The following SNAP23 variants were observed in gnomAD, a reference collection of about 807,000 sequenced individuals.
SNAP23 encodes synaptosomal-associated protein 23.
Under a neutral mutation model 29.0 loss-of-function variants are expected in SNAP23, and 11 were observed. That is an observed-to-expected ratio of 0.38 (90% CI 0.24 to 0.63). The LOEUF (loss-of-function observed/expected upper bound fraction) is 0.63, where lower values mean the gene tolerates loss of function less well. Ranked by LOEUF, SNAP23 falls within the 20% of genes least tolerant of loss-of-function variation. The pLI is 0.58. For synonymous variants in SNAP23, 60 were observed against 82.9 expected, an observed-to-expected ratio of 0.72 and a Z score of 1.50; for missense variants, 220 against 253.9, an observed-to-expected ratio of 0.87 and a Z score of 0.91.
intron 1 of SNAP23, among the ~76,000 whole-genome samples, chr15:42,497,288 G>C (rs566317541): frequency 6.7e-6 from 1 of 148,434 alleles, no homozygotes; most frequent in Non-Finnish European, 1.5e-5. Flanking sequence ...GGCTCACTGC[G>C]ACCTCCGCCT....
At chr15:42,493,834 A>G (rs1446792124), upstream of SNAP23, among the ~76,000 whole-genome samples, 1 of 152,146 alleles carries the variant, frequency 6.6e-6, no homozygotes, top group Non-Finnish European at 1.5e-5. Context: ...CAGAGAAAAC[A>G]AGTCAGCAAA....
intron 1 of SNAP23, among the ~76,000 whole-genome samples, chr15:42,510,244 G>A (rs1156632240): frequency 6.6e-6 from 1 of 151,846 alleles, no homozygotes; most frequent in African/African-American, 2.4e-5. Context: ...CAAGCAATCC[G>A]CCCACCCCAA....
chr15:42,498,892 T>C (rs915553650), intron 1 of SNAP23, among the ~76,000 whole-genome samples: 1 of 152,200 alleles, frequency 6.6e-6, no homozygotes, highest in Non-Finnish European at 1.5e-5. Context: ...GGTTTTACTT[T>C]AGGTGCTTGT....
chr15:42,498,415 G>A (rs2057241539), intron 1 of SNAP23, among the ~76,000 whole-genome samples: 1 of 152,170 alleles, frequency 6.6e-6, no homozygotes, highest in South Asian at 2.1e-4. Context: ...CCACGTGGAA[G>A]CTACCAAGGT....
intron 7 of SNAP23, among the ~76,000 whole-genome samples, chr15:42,530,285 T>A (rs184475870): frequency 4.7e-4 from 71 of 152,278 alleles, no homozygotes; most frequent in Non-Finnish European, 2.2e-4. Context: ...TGAATCCTCA[T>A]CTCATGAAAG....
Position 42,529,826 on chromosome 15 carries a change from G to T in SNAP23, c.570+7G>T. 6.2e-7 allele frequency: 1 copy of T among 1,609,374 alleles called. No homozygotes were observed. Among genetic ancestry groups the T allele is most frequent in the Non-Finnish European group, 8.5e-7 (1 of 1,178,796 alleles). ...AAAACGAATCACAGACAAGGTAAAAGCTTTTTATTGCCACAAGAAAATGAG... is the reference window on the plus strand; with the variant it reads ...AAAACGAATCACAGACAAGGTAAAATCTTTTTATTGCCACAAGAAAATGAG... On this transcript the variant is annotated splice_region_variant and intron_variant, in intron 7 of 7. Transcript: ENST00000249647.
At chr15:42,494,364 C>G (rs547624376), upstream of SNAP23, among the ~76,000 whole-genome samples, 1 of 150,302 alleles carries the variant, frequency 6.7e-6, no homozygotes, top group Admixed American at 6.6e-5. Context: ...TCCTTGATCC[C>G]TTAGGAATAG....
chr15:42,501,007 G>A (rs1350238316), intron 1 of SNAP23, among the ~76,000 whole-genome samples: 1 of 152,104 alleles, frequency 6.6e-6, no homozygotes, highest in Non-Finnish European at 1.5e-5. Context: ...TTTTGACAGT[G>A]TTTTGGAAAT....
intron 1 of SNAP23, among the ~76,000 whole-genome samples, chr15:42,497,412 T>C (rs1487327608): frequency 6.6e-6 from 1 of 152,132 alleles, no homozygotes; most frequent in Non-Finnish European, 1.5e-5. Flanking sequence ...TTTTGCCATG[T>C]TGGCCAGGCT....
At chr15:42,513,077 A>G in intron 3 of SNAP23, 81 bp downstream of exon 3, 2 of 999,474 alleles carry the variant, frequency 2.0e-6, no homozygotes, top group South Asian at 2.6e-5. Context: ...TTAGTATTAA[A>G]GGGTAATGTA....
intron 6 of SNAP23, among the ~76,000 whole-genome samples, chr15:42,528,777 G>A (rs376441951): frequency 9.2e-5 from 14 of 152,048 alleles, no homozygotes; most frequent in African/African-American, 3.4e-4. Context: ...GTAGAGACAG[G>A]GTTTCACCAT....
chr15:42,512,937 T>C lies in SNAP23; in HGVS notation c.58-18T>C. ...TTCTACATATTTTGGAATGCTAAAA[T>C]TCTGTGTTCTTTCCTAGTCTCTGGA... On this transcript the variant is annotated intron_variant, in intron 2 of 7. Transcript: ENST00000249647. 8.1e-6 allele frequency: 13 copies of C among 1,600,110 alleles called. No individual in the cohort carries two copies. The highest frequency in any genetic ancestry group is 9.4e-6 in the Non-Finnish European group (11 of 1,169,150).
At position 42,513,430 on chromosome 15, in the gene SNAP23, T is replaced by C. The variant is rs75170357; in HGVS notation, c.131T>C (p.Met44Thr). The C allele has an allele frequency of 2.4e-4, 380 of 1,613,728 alleles. 3 individuals carry two copies. In the East Asian group the frequency reaches 6.1e-3, roughly 26 times the overall value. ...GATGCAGGAATCAAGACCATCACTA[T>C]GCTGGATGAACAAAAGGGTAAGTTA... ...SQDAGIKTIT[M>T]LDEQKEQLNR... Residue 44 changes from methionine (M) to threonine (T), a missense_variant, in exon 4 of 8, where the codon ATG (methionine) becomes ACG (threonine). Transcript: ENST00000249647.
chr15:42,529,573 C>T (rs1003133634), intron 6 of SNAP23, 102 bp from the exon 7 acceptor site: 53 of 1,197,530 alleles, frequency 4.4e-5, no homozygotes, highest in Admixed American at 2.4e-4. Context: ...GGATCTTATA[C>T]TTGCTGAGAG....
chr15:42,492,897 T>G (rs1250420088), upstream of SNAP23: 1 of 152,206 alleles, frequency 6.6e-6, no homozygotes. Context: ...CTATAAACTC[T>G]GGGCCATCAT....
At chr15:42,498,506 A>G (rs2057242176) in intron 1 of SNAP23, among the ~76,000 whole-genome samples, 1 of 152,172 alleles carries the variant, frequency 6.6e-6, no homozygotes, top group Non-Finnish European at 1.5e-5. Context: ...GCTGGGACTC[A>G]GGGCCCCAAG....
At chr15:42,502,479 A>G (rs916888747) in intron 1 of SNAP23, among the ~76,000 whole-genome samples, 1 of 152,214 alleles carries the variant, frequency 6.6e-6, no homozygotes, top group Non-Finnish European at 1.5e-5. Flanking sequence ...CAGGAGTTCA[A>G]GACCAGCCTG....
In SNAP23 at chr15:42,532,882, G is replaced by T. The variant is rs2057579723; in HGVS notation, c.*1404G>T. On this transcript the variant is annotated 3_prime_UTR_variant, in exon 8 of 8. Transcript: ENST00000249647. ...TACACACTCTTTCTCTTACCCTTGT[G>T]TATTGAACTATGTCCATAATCAAGT... is the stretch of plus-strand genomic sequence containing the variant. 1 of 152,642 alleles carries T rather than the reference G, an allele frequency of 6.6e-6. No individual in the cohort carries two copies. The highest frequency in any genetic ancestry group is 2.1e-4 in the South Asian group (1 of 4,834). 9.5% of individuals were successfully genotyped at this position (152,642 alleles called of 1,614,324 possible).
At chr15:42,514,765 C>T (rs369468027) in intron 4 of SNAP23, among the ~76,000 whole-genome samples, 116 of 147,586 alleles carry the variant, frequency 7.9e-4, no homozygotes, top group African/African-American at 2.8e-3. Context: ...TTCAGTGGTG[C>T]AATCGCAGCT....
Sources: allele counts gnomAD v4.1 joint callset (sites outside exome capture counted in the v4.1 genomes callset), GRCh38; gene constraint gnomAD v4.1.1; transcripts MANE v1.5; gene names NCBI Gene and HGNC (gene_info 2026-07-23, HGNC 2026-07-21).